ASF1B: variants seen among roughly 807,000 people sequenced by gnomAD.
ASF1B encodes histone chaperone ASF1B.
ASF1B carries 10 observed loss-of-function variants against 16.6 expected under a neutral mutation model. The observed-to-expected ratio is 0.60, with a 90% CI of 0.37 to 1.02. The LOEUF (loss-of-function observed/expected upper bound fraction) is 1.02, where lower values mean the gene tolerates loss of function less well. Among genes scored for constraint, ASF1B ranks in the 50% least tolerant of loss-of-function variants. ASF1B has a pLI of 0.01. For missense variants in ASF1B, 240 were observed against 266.0 expected (o/e 0.90, Z 0.68); for synonymous variants, 101 against 106.2 (o/e 0.95, Z 0.30).
At position 14,136,504 on chromosome 19, in the gene ASF1B, C is replaced by T; in HGVS notation, c.-48G>A. 1 of 1,567,290 alleles carries T rather than the reference C, an allele frequency of 6.4e-7. No individual in the cohort carries two copies. The highest frequency in any genetic ancestry group is 8.7e-7 in the Non-Finnish European group (1 of 1,147,398). On this transcript the variant is annotated 5_prime_UTR_variant, in exon 1 of 4. Coordinates refer to ENST00000263382, the MANE Select transcript of ASF1B (RefSeq NM_018154.3). Reference sequence around the variant, plus strand: ...GCAGGGGCAGGGGCTGTGGCTGTGGCGGAGGCCGCGCCTGGGTCCGGTGGG... The same window carrying T: ...GCAGGGGCAGGGGCTGTGGCTGTGGTGGAGGCCGCGCCTGGGTCCGGTGGG...
Position 14,120,343 on chromosome 19 carries a change from TGACA to T in ASF1B, c.*112_*115del. On this transcript the variant is annotated 3_prime_UTR_variant, in exon 4 of 4. Coordinates refer to ENST00000263382, the MANE Select transcript of ASF1B (RefSeq NM_018154.3). ...CCTGTTCTTTCCTAGGGGCTGAGTTTGACAGACCTGGATTGCAGCTGATGGCCCC... is the reference window on the plus strand; with the variant it reads ...CCTGTTCTTTCCTAGGGGCTGAGTTTGACCTGGATTGCAGCTGATGGCCCC... 1.9e-6 allele frequency: 2 copies of T among 1,031,154 alleles called. No homozygotes were observed. The highest frequency in any genetic ancestry group is 3.0e-5 in the South Asian group (2 of 67,084). The allele number at this position is 1,031,154 out of a possible 1,614,324, so 63.9% of individuals were successfully genotyped here. A position where few individuals can be genotyped will look rare whatever the true frequency, so the allele number is the denominator to read the frequency against.
chr19:14,132,707 A>C (rs1336257896), intron 1 of ASF1B, among the ~76,000 whole-genome samples: 2 of 151,994 alleles, frequency 1.3e-5, no homozygotes, highest in Non-Finnish European at 2.9e-5. Context: ...AATCCCAACT[A>C]CTTGGGATAC....
At chr19:14,123,517 C>G (rs145338785) in intron 2 of ASF1B, among the ~76,000 whole-genome samples, 3,160 of 150,080 alleles carry the variant, frequency 0.021, 115 homozygotes, top group African/African-American at 0.073. Context: ...GTAGCTGAGA[C>G]TACAGGTGCC....
intron 3 of ASF1B, 52 bp downstream of exon 3, chr19:14,121,480 C>G (rs1267297887): frequency 8.3e-6 from 13 of 1,572,988 alleles, no homozygotes; most frequent in Non-Finnish European, 1.1e-5. Flanking sequence ...TGAACTCCCC[C>G]CAAGTATAAA....
chr19:14,130,570 CTAAATA>C (rs1183657707), intron 1 of ASF1B, among the ~76,000 whole-genome samples: 13 of 151,588 alleles, frequency 8.6e-5, no homozygotes, highest in Non-Finnish European at 1.3e-4. Flanking sequence ...GATTTCATCT[CTAAATA>C]TAATCTTTCT....
In ASF1B at chr19:14,126,113, C is replaced by G. The variant is rs543610465; in HGVS notation, c.225+9G>C. The G allele has an allele frequency of 3.8e-5, 60 of 1,587,732 alleles. 1 individual carries two copies. In the East Asian group the frequency reaches 1.3e-3, roughly 35 times the overall value. ...CAAGGGCTAAGGCCTAAGGCCTCAT[C>G]TTTCTTACCTGAAAGACAAACATGT... On this transcript the variant is annotated intron_variant, in intron 2 of 3. Transcript: ENST00000263382.
At chr19:14,130,779 GTT>G (rs1491553047) in intron 1 of ASF1B, among the ~76,000 whole-genome samples, 1,963 of 125,794 alleles carry the variant, frequency 0.016, 41 homozygotes, top group African/African-American at 0.045. Context: ...TCCACTGTGT[GTT>G]TGTGTGTATA....
In ASF1B at chr19:14,120,212, C is replaced by T. The variant is rs866170854; in HGVS notation, c.*247G>A. ...TGGCCTTAGTTAGAATTTATGAAGA[C>T]GAAAAGAACACAAGTCAGAATTTAG... On this transcript the variant is annotated 3_prime_UTR_variant, in exon 4 of 4. Coordinates refer to ENST00000263382, the MANE Select transcript of ASF1B (RefSeq NM_018154.3). 1.4e-5 allele frequency: 7 copies of T among 485,346 alleles called. No individual in the cohort carries two copies. The highest frequency in any genetic ancestry group is 4.0e-5 in the African/African-American group (2 of 49,618). The allele number at this position is 485,346 out of a possible 1,614,324, so 30.1% of individuals were successfully genotyped here. A position where few individuals can be genotyped will look rare whatever the true frequency, so the allele number is the denominator to read the frequency against.
rs779012633 is a variant in ASF1B, at chr19:14,126,164, C to A, written c.183G>T (p.Leu61=). The A allele has an allele frequency of 1.2e-6, 2 of 1,611,830 alleles. No individual in the cohort carries two copies. The highest frequency in any genetic ancestry group is 1.3e-5 in the African/African-American group (1 of 74,784). The change falls in exon 2 of 4, where the codon CTG becomes CTT. Residue 61 remains leucine (L), a synonymous_variant. Transcript: ENST00000263382. The part of the protein sequence containing the change: ...EEFDQILDSV[L]VGPVPAGRHM... ...GTCTCCCTGCTGGCACAGGGCCCAC[C>A]AGCACCGAGTCTAGGATCTGATCAA...
chr19:14,128,952 A>G (rs895163144), intron 1 of ASF1B, among the ~76,000 whole-genome samples: 1 of 152,224 alleles, frequency 6.6e-6, no homozygotes, highest in Non-Finnish European at 1.5e-5. Flanking sequence ...AAGGTAGACA[A>G]AAAAGACTAA....
intron 2 of ASF1B, among the ~76,000 whole-genome samples, chr19:14,124,484 G>C (rs1202562870): frequency 6.6e-6 from 1 of 152,188 alleles, no homozygotes; most frequent in African/African-American, 2.4e-5. Flanking sequence ...CTGCATGAGA[G>C]CCATTTAGGA....
chr19:14,120,633 C>G lies in ASF1B; in HGVS notation c.435G>C (p.Arg145=), dbSNP rs764994662. The G allele has an allele frequency of 1.2e-6, 2 of 1,614,006 alleles. No homozygotes were observed. The highest frequency in any genetic ancestry group is 1.7e-6 in the Non-Finnish European group (2 of 1,180,000). ...LQRNILASNP[R]VTRFHINWDN... ...CCCAGTTGATATGGAAGCGGGTCAC[C>G]CGGGGGTTCGAGGCCAAGATGTTCC... is the stretch of plus-strand genomic sequence containing the variant. The change falls in exon 4 of 4, where the codon CGG becomes CGC. Residue 145 remains arginine (R), a synonymous_variant. Transcript: ENST00000263382.
At chr19:14,133,358 C>G (rs769238694) in intron 1 of ASF1B, among the ~76,000 whole-genome samples, 1 of 152,048 alleles carries the variant, frequency 6.6e-6, no homozygotes, top group Non-Finnish European at 1.5e-5. Flanking sequence ...TGAAGTCACT[C>G]CATTTCTATT....
At chr19:14,127,831 T>G (rs1206766270) in intron 1 of ASF1B, among the ~76,000 whole-genome samples, 1 of 151,828 alleles carries the variant, frequency 6.6e-6, no homozygotes, top group African/African-American at 2.4e-5. Flanking sequence ...AGAGATGGGG[T>G]TTCACCATGT....
At chr19:14,121,805 A>C in intron 2 of ASF1B, 97 bp from the exon 3 acceptor site, 1 of 1,146,586 alleles carries the variant, frequency 8.7e-7, no homozygotes, top group Non-Finnish European at 1.2e-6. Flanking sequence ...ACTGAGCAAA[A>C]AGTATGCTCT....
chr19:14,135,424 C>T (rs1967474560), intron 1 of ASF1B, among the ~76,000 whole-genome samples: 1 of 152,082 alleles, frequency 6.6e-6, no homozygotes, highest in East Asian at 1.9e-4. Context: ...GACAAAGTTC[C>T]CCTCAAAGAC....
Position 14,136,288 on chromosome 19 carries a change from C to T in ASF1B, c.109+60G>A, listed in dbSNP as rs1216368340. The T allele has an allele frequency of 3.0e-5, 45 of 1,490,614 alleles. No homozygotes were observed. The East Asian group carries it at 3.3e-4, about 11-fold the overall frequency. The allele number at this position is 1,490,614 out of a possible 1,614,324, so 92.3% of individuals were successfully genotyped here. ...GATCAAGTTGGCCATGGGAGCGGTTCTCTGAGGGGAGGCCGGGGTCGGCCC... is the reference window on the plus strand; with the variant it reads ...GATCAAGTTGGCCATGGGAGCGGTTTTCTGAGGGGAGGCCGGGGTCGGCCC... On this transcript the variant is annotated intron_variant, in intron 1 of 3. Coordinates refer to ENST00000263382, the MANE Select transcript of ASF1B (RefSeq NM_018154.3).
rs549601434 is a variant in ASF1B, at chr19:14,120,642, C to G, written c.426G>C (p.Ser142=). ...FSQLQRNILA[S]NPRVTRFHIN... Reference sequence around the variant, plus strand: ...TATGGAAGCGGGTCACCCGGGGGTTCGAGGCCAAGATGTTCCGCTGGAGCT... The same window carrying G: ...TATGGAAGCGGGTCACCCGGGGGTTGGAGGCCAAGATGTTCCGCTGGAGCT... The change falls in exon 4 of 4, where the codon TCG becomes TCC. Residue 142 remains serine (S), a synonymous_variant. Coordinates refer to ENST00000263382, the MANE Select transcript of ASF1B (RefSeq NM_018154.3). 3 of 1,613,846 alleles carry G rather than the reference C, an allele frequency of 1.9e-6. No homozygotes were observed. The highest frequency in any genetic ancestry group is 2.2e-5 in the South Asian group (2 of 91,058).
At position 14,123,877 on chromosome 19, in the gene ASF1B, GC is replaced by G. The variant is rs1174268395; in HGVS notation, c.226-2170del. ...GCAATCTCAGCTCACTGTAACTTCC[GC>G]CCCCTGGATTCAAATAATTCTCGTG... On this transcript the variant is annotated intron_variant, in intron 2 of 3. Coordinates refer to ENST00000263382, the MANE Select transcript of ASF1B (RefSeq NM_018154.3). 2.0e-5 allele frequency among the ~76,000 whole-genome samples: 3 copies of G among 148,174 alleles called. No homozygotes were observed. In the East Asian group the frequency reaches 6.0e-4, roughly 30 times the overall value.
Sources: gnomAD v4.1 joint callset for allele counts (sites outside exome capture counted in the v4.1 genomes callset) on GRCh38, gnomAD v4.1.1 for gene constraint, MANE v1.5 for transcripts, NCBI Gene and HGNC (gene_info 2026-07-23, HGNC 2026-07-21) for gene names.